Variants in CDS1 observed in about 807,000 individuals in gnomAD.
The protein encoded by CDS1 is phosphatidate cytidylyltransferase 1.
CDS1 carries 41 observed loss-of-function variants against 62.1 expected under a neutral mutation model. The ratio of observed to expected loss-of-function variants is 0.66; its 90% CI spans 0.51 to 0.86. CDS1 has a LOEUF of 0.86. Among genes scored for constraint, CDS1 ranks in the 40% least tolerant of loss-of-function variants. CDS1 has a pLI of 0.00. For missense variants in CDS1, 470 were observed against 550.1 expected (o/e 0.85, Z 1.46); for synonymous variants, 185 against 192.6 (o/e 0.96, Z 0.32).
At chr4:84,635,867 C>T (rs1411571769) in intron 8 of CDS1, among the ~76,000 whole-genome samples, 2 of 151,444 alleles carry the variant, frequency 1.3e-5, no homozygotes, top group Admixed American at 1.3e-4. Flanking sequence ...AGCAATCTTC[C>T]CACCTCAGCC....
chr4:84,640,746 C>T, intron 9 of CDS1, 92 bp from the exon 10 acceptor site: 1 of 1,029,446 alleles, frequency 9.7e-7, no homozygotes, highest in Middle Eastern at 2.3e-4. Flanking sequence ...TCTGGCCTTT[C>T]TGATGTATAA....
chr4:84,605,771 G>A (rs928120469), intron 2 of CDS1, among the ~76,000 whole-genome samples: 5 of 152,020 alleles, frequency 3.3e-5, no homozygotes, highest in African/African-American at 7.2e-5. Flanking sequence ...GCAAATACTA[G>A]CAGCTAATAT....
intron 4 of CDS1, among the ~76,000 whole-genome samples, chr4:84,617,993 A>G (rs1483961994): frequency 2.0e-5 from 3 of 152,210 alleles, no homozygotes; most frequent in African/African-American, 4.8e-5. Context: ...AAATATTTAC[A>G]TATAATCTTT....
chr4:84,613,565 G>A (rs561312849), intron 3 of CDS1, among the ~76,000 whole-genome samples: 43 of 152,130 alleles, frequency 2.8e-4, no homozygotes, highest in African/African-American at 8.9e-4. Context: ...AGCCGAGATC[G>A]CGCCACTGCA....
chr4:84,634,542 C>T (rs1423581258), intron 7 of CDS1, among the ~76,000 whole-genome samples: 1 of 151,886 alleles, frequency 6.6e-6, no homozygotes, highest in Non-Finnish European at 1.5e-5. Context: ...TATTTTTCCC[C>T]CACTCATTTA....
At chr4:84,588,500 G>A (rs765072605) in intron 1 of CDS1, among the ~76,000 whole-genome samples, 6 of 152,084 alleles carry the variant, frequency 3.9e-5, no homozygotes, top group Admixed American at 6.5e-5. Flanking sequence ...CTAAACAGGC[G>A]GCCAGGGTTT....
chr4:84,612,215 G>A (rs1339258505), intron 3 of CDS1, among the ~76,000 whole-genome samples: 2 of 151,920 alleles, frequency 1.3e-5, no homozygotes, highest in Non-Finnish European at 2.9e-5. Context: ...TCAGATTCTG[G>A]AGGGCCTTGC....
chr4:84,635,444 T>A (rs1317832964), intron 8 of CDS1, 93 bp downstream of exon 8: 2 of 752,894 alleles, frequency 2.7e-6, no homozygotes, highest in African/African-American at 3.5e-5. Flanking sequence ...GTGCATTTTT[T>A]ATTTTTGAGG....
chr4:84,594,814 T>A (rs532365709), intron 1 of CDS1, among the ~76,000 whole-genome samples: 1 of 152,240 alleles, frequency 6.6e-6, no homozygotes, highest in Middle Eastern at 3.4e-3. Context: ...CTTCCCAAGC[T>A]CAAGTGATCC....
chr4:84,615,921 T>G (rs902447742), intron 3 of CDS1, among the ~76,000 whole-genome samples: 1 of 152,226 alleles, frequency 6.6e-6, no homozygotes, highest in East Asian at 1.9e-4. Flanking sequence ...ACCTTTTGTT[T>G]TCTGTTTTCC....
chr4:84,587,140 G>C (rs536174239), intron 1 of CDS1, among the ~76,000 whole-genome samples: 1 of 152,146 alleles, frequency 6.6e-6, no homozygotes, highest in African/African-American at 2.4e-5. Flanking sequence ...AGTTAGTAAA[G>C]TAGGAACTCA....
At chr4:84,618,550 G>A (rs1420715634) in intron 4 of CDS1, among the ~76,000 whole-genome samples, 1 of 152,182 alleles carries the variant, frequency 6.6e-6, no homozygotes, top group Admixed American at 6.5e-5. Flanking sequence ...TTTGGATAAA[G>A]AAGAGTTTTC....
chr4:84,605,664 G>C (rs1404542577), intron 2 of CDS1, among the ~76,000 whole-genome samples: 1 of 152,012 alleles, frequency 6.6e-6, no homozygotes, highest in Non-Finnish European at 1.5e-5. Context: ...TTGTGTAGTC[G>C]ATGTTCTGTA....
At position 84,637,611 on chromosome 4, in the gene CDS1, C is replaced by T. The variant is rs188159683; in HGVS notation, c.811-1313C>T. Among the ~76,000 whole-genome samples the T allele has an allele frequency of 8.5e-5, 13 of 152,176 alleles. No homozygotes were observed. The East Asian group carries it at 1.6e-3, about 18-fold the overall frequency. ...TCCGACACTGAGGATTACAAGTGGA[C>T]GTGACATTTGGGTGGAGACACAGAT... On this transcript the variant is annotated intron_variant, in intron 8 of 12. Transcript: ENST00000295887.
Position 84,651,016 on chromosome 4 carries a change from G to A in CDS1, c.*2330G>A, listed in dbSNP as rs1724716232. 2 of 152,108 alleles carry A rather than the reference G, an allele frequency of 1.3e-5. No individual in the cohort carries two copies. The highest frequency in any genetic ancestry group is 6.5e-5 in the Admixed American group (1 of 15,274). The allele number at this position is 152,108 out of a possible 1,614,324, so 9.4% of individuals were successfully genotyped here. A position where few individuals can be genotyped will look rare whatever the true frequency, so the allele number is the denominator to read the frequency against. The stretch of plus-strand genomic sequence containing the variant: ...TGTTCCAAATTTGCTATATTTGGAG[G>A]TGCTCTACTGGTACTTCCTGCTTGA... On this transcript the variant is annotated 3_prime_UTR_variant, in exon 13 of 13. Coordinates refer to ENST00000295887, the MANE Select transcript of CDS1 (RefSeq NM_001263.4).
intron 1 of CDS1, among the ~76,000 whole-genome samples, chr4:84,590,777 T>C (rs1380906192): frequency 6.6e-6 from 1 of 152,146 alleles, no homozygotes; most frequent in African/African-American, 2.4e-5. Flanking sequence ...TGGTACAAAG[T>C]TGTTTGACAG....
intron 1 of CDS1, among the ~76,000 whole-genome samples, chr4:84,594,793 T>G (rs1722699437): frequency 6.6e-6 from 1 of 152,166 alleles, no homozygotes; most frequent in Non-Finnish European, 1.5e-5. Context: ...CATTGCTCAC[T>G]GCAGGCTCAA....
At position 84,647,753 on chromosome 4, in the gene CDS1, C is replaced by CCTCTG. The variant is rs1724599804; in HGVS notation, c.1257-800_1257-796dup. On this transcript the variant is annotated intron_variant, in intron 12 of 12. Transcript: ENST00000295887. The stretch of plus-strand genomic sequence containing the variant: ...TCAAAGATTTTCAGAGTAAATAGTT[C>CCTCTG]CTCTGCTCATCCTCATTGTGGTAAC... 2.0e-5 allele frequency among the ~76,000 whole-genome samples: 3 copies of CCTCTG among 152,058 alleles called. No homozygotes were observed. In the South Asian group the frequency reaches 6.2e-4, roughly 32 times the overall value.
At position 84,648,786 on chromosome 4, in the gene CDS1, G is replaced by T. The variant is rs1724629017; in HGVS notation, c.*100G>T. The T allele has an allele frequency of 2.5e-6, 3 of 1,193,672 alleles. No homozygotes were observed. Among genetic ancestry groups the T allele is most frequent in the South Asian group, 1.8e-5 (1 of 54,478 alleles). 73.9% of individuals were successfully genotyped at this position (1,193,672 alleles called of 1,614,324 possible). Reference sequence around the variant, plus strand: ...CAGAAAAATAGTTAAAAATGCAATAGGTTGAAGTTTTGGAGATATGTTTCT... The same window carrying T: ...CAGAAAAATAGTTAAAAATGCAATATGTTGAAGTTTTGGAGATATGTTTCT... On this transcript the variant is annotated 3_prime_UTR_variant, in exon 13 of 13. Coordinates refer to ENST00000295887, the MANE Select transcript of CDS1 (RefSeq NM_001263.4).
Sources: gnomAD v4.1 joint callset for allele counts (sites outside exome capture counted in the v4.1 genomes callset) on GRCh38, gnomAD v4.1.1 for gene constraint, MANE v1.5 for transcripts, NCBI Gene and HGNC (gene_info 2026-07-23, HGNC 2026-07-21) for gene names.